Variants in HPSE2 observed in about 807,000 individuals in gnomAD.
HPSE2 encodes inactive heparanase-2.
Under a neutral mutation model 60.5 loss-of-function variants are expected in HPSE2, and 38 were observed. That is an observed-to-expected ratio of 0.63 (90% CI 0.48 to 0.82). The LOEUF is 0.82. Among genes scored for constraint, HPSE2 ranks in the 40% least tolerant of loss-of-function variants. The pLI, the probability that HPSE2 is intolerant of heterozygous loss-of-function variation, is 0.00. For missense variants in HPSE2, 713 were observed against 740.4 expected, an observed-to-expected ratio of 0.96 and a Z score of 0.43; for synonymous variants, 295 against 293.2, an observed-to-expected ratio of 1.01 and a Z score of -0.06.
chr10:98,924,063 G>T (rs1954371478), intron 3 of HPSE2, among the ~76,000 whole-genome samples: 2 of 152,158 alleles, frequency 1.3e-5, no homozygotes, highest in African/African-American at 4.8e-5. Context: ...GGTTTTCTAG[G>T]TATTCAAAGG....
At chr10:99,017,209 C>T (rs1423868200) in intron 3 of HPSE2, among the ~76,000 whole-genome samples, 1 of 151,998 alleles carries the variant, frequency 6.6e-6, no homozygotes, top group Non-Finnish European at 1.5e-5. Flanking sequence ...TCCTTCGATA[C>T]CTAGTTTATT....
At chr10:99,203,889 T>TCCA (rs1216715578) in intron 2 of HPSE2, among the ~76,000 whole-genome samples, 6 of 104,612 alleles carry the variant, frequency 5.7e-5, no homozygotes, top group Non-Finnish European at 1.5e-4. Flanking sequence ...GGCCCAAGGG[T>TCCA]CCAGGCCCAC....
At chr10:98,957,772 G>T (rs935211048) in intron 3 of HPSE2, among the ~76,000 whole-genome samples, 5 of 152,134 alleles carry the variant, frequency 3.3e-5, no homozygotes, top group African/African-American at 1.2e-4. Flanking sequence ...GCCATGAACA[G>T]AGATACAATT....
chr10:98,491,303 GC>G (rs1394243448), intron 9 of HPSE2, among the ~76,000 whole-genome samples: 1 of 151,702 alleles, frequency 6.6e-6, no homozygotes, highest in Non-Finnish European at 1.5e-5. Context: ...AAGCCCCTTT[GC>G]CACTAGAATG....
chr10:98,845,475 T>C (rs1344748880), intron 3 of HPSE2, among the ~76,000 whole-genome samples: 1 of 152,210 alleles, frequency 6.6e-6, no homozygotes, highest in African/African-American at 2.4e-5. Flanking sequence ...AAGACCAACA[T>C]GTGAGTATAA....
At chr10:99,090,471 A>G (rs1283673597) in intron 3 of HPSE2, among the ~76,000 whole-genome samples, 2 of 152,114 alleles carry the variant, frequency 1.3e-5, no homozygotes, top group Non-Finnish European at 2.9e-5. Context: ...AAAGCAGTAA[A>G]CCATTACCAG....
chr10:98,477,341 T>A (rs572344586), intron 11 of HPSE2, among the ~76,000 whole-genome samples: 2 of 152,340 alleles, frequency 1.3e-5, no homozygotes, highest in East Asian at 3.9e-4. Context: ...CACTCTTTTC[T>A]GAGAGGGCTT....
At chr10:99,066,786 C>T (rs946762421) in intron 3 of HPSE2, among the ~76,000 whole-genome samples, 6 of 152,062 alleles carry the variant, frequency 3.9e-5, no homozygotes, top group Non-Finnish European at 8.8e-5. Context: ...CCCACTCCCC[C>T]GCAAATCTCA....
chr10:98,681,564 A>C (rs969568183), intron 6 of HPSE2, among the ~76,000 whole-genome samples: 1 of 152,208 alleles, frequency 6.6e-6, no homozygotes, highest in African/African-American at 2.4e-5. Flanking sequence ...ACTTTTAAGA[A>C]ACTATCACTT....
At chr10:99,064,506 CCCT>C (rs1283736156) in intron 3 of HPSE2, among the ~76,000 whole-genome samples, 1 of 151,912 alleles carries the variant, frequency 6.6e-6, no homozygotes, top group African/African-American at 2.4e-5. Flanking sequence ...GCCCATTTCT[CCCT>C]CCTCTATGCC....
At chr10:99,120,468 G>T (rs1290578792) in intron 3 of HPSE2, among the ~76,000 whole-genome samples, 1 of 129,700 alleles carries the variant, frequency 7.7e-6, no homozygotes. Context: ...TTTAATAATA[G>T]CCATTCTAAT....
intron 2 of HPSE2, among the ~76,000 whole-genome samples, chr10:99,204,507 C>A (rs144959561): frequency 2.6e-5 from 4 of 152,138 alleles, no homozygotes; most frequent in Non-Finnish European, 4.4e-5. Flanking sequence ...ATGAAAAAAA[C>A]CTAGGAAATA....
chr10:99,066,482 A>C (rs968577325), intron 3 of HPSE2, among the ~76,000 whole-genome samples: 1 of 152,186 alleles, frequency 6.6e-6, no homozygotes, highest in Non-Finnish European at 1.5e-5. Context: ...GGGTAACTCC[A>C]ACTCACAGTA....
chr10:99,020,152 T>G (rs2135423447), intron 3 of HPSE2, among the ~76,000 whole-genome samples: 1 of 152,306 alleles, frequency 6.6e-6, no homozygotes, highest in South Asian at 2.1e-4. Context: ...TCATAATTAC[T>G]TATTGAGCAC....
intron 3 of HPSE2, among the ~76,000 whole-genome samples, chr10:98,921,012 G>A (rs548341925): frequency 6.6e-6 from 1 of 152,192 alleles, no homozygotes; most frequent in Admixed American, 6.5e-5. Context: ...TGACATCATA[G>A]TTAAGTGTGC....
At chr10:99,044,687 CAAA>C (rs1957814935) in intron 3 of HPSE2, among the ~76,000 whole-genome samples, 1 of 70,504 alleles carries the variant, frequency 1.4e-5, no homozygotes, top group African/African-American at 3.1e-5. Flanking sequence ...AGAAAACAAA[CAAA>C]CAAAAAAAAT....
chr10:99,036,258 C>A (rs1204678867), intron 3 of HPSE2, among the ~76,000 whole-genome samples: 1 of 151,834 alleles, frequency 6.6e-6, no homozygotes, highest in Non-Finnish European at 1.5e-5. Flanking sequence ...AAATATGATT[C>A]TACAATAAAA....
At chr10:98,726,659 T>C (rs1340566296) in intron 4 of HPSE2, among the ~76,000 whole-genome samples, 1 of 133,926 alleles carries the variant, frequency 7.5e-6, no homozygotes, top group Non-Finnish European at 1.6e-5. Flanking sequence ...ATAATAATAA[T>C]AATAATAAAA....
At chr10:99,210,139 G>C (rs915427637) in intron 2 of HPSE2, among the ~76,000 whole-genome samples, 2 of 152,146 alleles carry the variant, frequency 1.3e-5, no homozygotes, top group African/African-American at 4.8e-5. Context: ...AAACTACCAA[G>C]AGCAGTTATA....
Sources: allele counts gnomAD v4.1 joint callset (sites outside exome capture counted in the v4.1 genomes callset), GRCh38; gene constraint gnomAD v4.1.1; transcripts MANE v1.5; gene names NCBI Gene and HGNC (gene_info 2026-07-23, HGNC 2026-07-21).